Variants in MAP4K5 observed in about 807,000 individuals in gnomAD.
MAP4K5 encodes the protein MAPK/ERK kinase kinase kinase 5.
MAP4K5 carries 82 observed loss-of-function variants against 135.6 expected under a neutral mutation model. The observed-to-expected ratio is 0.60, with a 90% confidence interval of 0.51 to 0.73. The LOEUF (loss-of-function observed/expected upper bound fraction) is 0.73, where lower values mean the gene tolerates loss of function less well. Among genes scored for constraint, MAP4K5 ranks in the 30% least tolerant of loss-of-function variants. The probability of loss-of-function intolerance (pLI) is 0.00; values close to 1 mark genes in which losing one functional copy is unlikely to be tolerated. For synonymous variants in MAP4K5, 347 were observed against 335.0 expected, an observed-to-expected ratio of 1.04 and a Z score of -0.39; for missense variants, 907 against 1,010.9, an observed-to-expected ratio of 0.90 and a Z score of 1.39.
At chr14:50,543,924 A>G (rs2038596484) in intron 1 of MAP4K5, among the ~76,000 whole-genome samples, 1 of 152,194 alleles carries the variant, frequency 6.6e-6, no homozygotes, top group Non-Finnish European at 1.5e-5. Context: ...ATTCTATTTA[A>G]CGGGAAGCTG....
intron 14 of MAP4K5, among the ~76,000 whole-genome samples, chr14:50,451,878 A>G (rs2036495045): frequency 6.6e-6 from 1 of 152,182 alleles, no homozygotes; most frequent in African/African-American, 2.4e-5. Flanking sequence ...CTGTTACTAA[A>G]GAGATTTGTA....
At chr14:50,470,883 CCTCT>C (rs1276827407) in intron 9 of MAP4K5, among the ~76,000 whole-genome samples, 6 of 151,910 alleles carry the variant, frequency 3.9e-5, no homozygotes, top group Non-Finnish European at 7.4e-5. Flanking sequence ...AATCTGTATG[CCTCT>C]CTAATAAATT....
At chr14:50,456,307 T>C (rs2036593072) in intron 14 of MAP4K5, 2 of 524,230 alleles carry the variant, frequency 3.8e-6, no homozygotes, top group Middle Eastern at 4.9e-4. Flanking sequence ...GGGCATGATT[T>C]TGTCCATAAC....
At chr14:50,448,949 C>T in intron 14 of MAP4K5, 117 bp from the exon 15 acceptor site, 1 of 642,864 alleles carries the variant, frequency 1.6e-6, no homozygotes, top group Non-Finnish European at 2.7e-6. Flanking sequence ...GGAAAGAAGA[C>T]AAAAAATATG....
intron 2 of MAP4K5, among the ~76,000 whole-genome samples, chr14:50,538,654 G>T (rs1306478733): frequency 6.6e-6 from 1 of 152,176 alleles, no homozygotes; most frequent in Non-Finnish European, 1.5e-5. Flanking sequence ...ATGCTTGGCT[G>T]GGATCCTATC....
chr14:50,474,860 C>T (rs2037060271), intron 9 of MAP4K5, among the ~76,000 whole-genome samples: 2 of 152,164 alleles, frequency 1.3e-5, no homozygotes, highest in Admixed American at 6.5e-5. Context: ...TATAAAATCA[C>T]AGGGATAGTA....
chr14:50,511,357 T>C (rs1370456248), intron 2 of MAP4K5, among the ~76,000 whole-genome samples: 1 of 152,110 alleles, frequency 6.6e-6, no homozygotes, highest in Non-Finnish European at 1.5e-5. Context: ...TAAAAAAAGT[T>C]AATCTCATAA....
At chr14:50,506,789 TTA>T (rs1392564511) in intron 2 of MAP4K5, among the ~76,000 whole-genome samples, 1 of 152,204 alleles carries the variant, frequency 6.6e-6, no homozygotes, top group African/African-American at 2.4e-5. Context: ...TCTTTCATAG[TTA>T]TAGTTACTTC....
chr14:50,440,022 A>T lies in MAP4K5; in HGVS notation c.1696T>A (p.Ser566Thr), dbSNP rs773468362. The change falls in exon 23 of 33, where the codon TCA becomes ACA. Residue 566 changes from serine (S) to threonine (T), a missense_variant. Coordinates refer to ENST00000682126, the MANE Select transcript of MAP4K5 (RefSeq NM_006575.6). The stretch of plus-strand genomic sequence containing the variant: ...ATCATCACATACATACCTGATAATG[A>T]CATTAAAGTATTATTGATAACATAC... ...WLYVINNTLMSLSEGKTFQLY... is the reference protein window; with the variant it reads ...WLYVINNTLMTLSEGKTFQLY... The T allele has an allele frequency of 6.4e-7, 1 of 1,550,538 alleles. No homozygotes were observed. Among genetic ancestry groups the T allele is most frequent in the Non-Finnish European group, 8.8e-7 (1 of 1,137,812 alleles).
intron 3 of MAP4K5, among the ~76,000 whole-genome samples, chr14:50,488,526 T>C (rs1418682331): frequency 6.6e-6 from 1 of 152,218 alleles, no homozygotes; most frequent in Non-Finnish European, 1.5e-5. Context: ...CTTCACATAA[T>C]ATGGTGCCTA....
intron 2 of MAP4K5, among the ~76,000 whole-genome samples, chr14:50,514,593 G>T (rs898500975): frequency 6.6e-6 from 1 of 152,146 alleles, no homozygotes; most frequent in African/African-American, 2.4e-5. Context: ...CAACATTGGA[G>T]GATTCTGAGC....
intron 3 of MAP4K5, among the ~76,000 whole-genome samples, chr14:50,495,105 A>G (rs1389873802): frequency 2.6e-5 from 4 of 152,226 alleles, no homozygotes; most frequent in African/African-American, 4.8e-5. Flanking sequence ...TTTGTTCACC[A>G]AAGGACAAAA....
chr14:50,479,412 TTTG>T (rs144597587), intron 6 of MAP4K5, among the ~76,000 whole-genome samples: 4,099 of 152,208 alleles, frequency 0.027, 74 homozygotes, highest in East Asian at 0.067. Context: ...AATTTCATCC[TTTG>T]TTAATTCCAT....
At chr14:50,553,064 G>A (rs2038722661) in intron 1 of MAP4K5, among the ~76,000 whole-genome samples, 1 of 152,132 alleles carries the variant, frequency 6.6e-6, no homozygotes, top group African/African-American at 2.4e-5. Context: ...GGAGGCTGAG[G>A]CGGGTAGATT....
intron 18 of MAP4K5, among the ~76,000 whole-genome samples, chr14:50,444,415 A>C (rs1364732947): frequency 6.6e-6 from 1 of 152,036 alleles, no homozygotes; most frequent in Non-Finnish European, 1.5e-5. Context: ...GCTTCAGTGC[A>C]TTTCATCTAC....
chr14:50,494,545 C>T (rs2037554451), intron 3 of MAP4K5, among the ~76,000 whole-genome samples: 1 of 151,958 alleles, frequency 6.6e-6, no homozygotes, highest in Admixed American at 6.6e-5. Context: ...ATTCTGGTAA[C>T]ATTTTTTTTT....
intron 1 of MAP4K5, 98 bp from the exon 2 acceptor site, chr14:50,532,256 G>T: frequency 2.0e-6 from 1 of 509,126 alleles, no homozygotes; most frequent in South Asian, 2.7e-5. Context: ...CGTCCCGCCA[G>T]GGGCCGTGGA....
At chr14:50,495,120 CAG>C (rs897255432) in intron 3 of MAP4K5, among the ~76,000 whole-genome samples, 2 of 152,152 alleles carry the variant, frequency 1.3e-5, no homozygotes, top group Non-Finnish European at 2.9e-5. Flanking sequence ...ACAAAATCAA[CAG>C]AGTTGAAAAG....
chr14:50,471,580 A>T (rs1212363314), intron 9 of MAP4K5, among the ~76,000 whole-genome samples: 1 of 152,168 alleles, frequency 6.6e-6, no homozygotes, highest in Non-Finnish European at 1.5e-5. Flanking sequence ...AAAACCTCAT[A>T]AATGTAAGAA....
Sources: gnomAD v4.1 joint callset for allele counts (sites outside exome capture counted in the v4.1 genomes callset) on GRCh38, gnomAD v4.1.1 for gene constraint, MANE v1.5 for transcripts, NCBI Gene and HGNC (gene_info 2026-07-23, HGNC 2026-07-21) for gene names.